RMND5B: variants seen among roughly 807,000 people sequenced by gnomAD.
RMND5B encodes the protein E3 ubiquitin-protein transferase RMND5B.
A neutral mutation model predicts 50.4 loss-of-function variants in RMND5B; 42 were observed. That is an observed-to-expected ratio of 0.83 (90% CI 0.65 to 1.08). The LOEUF (loss-of-function observed/expected upper bound fraction) is 1.08, where lower values mean the gene tolerates loss of function less well. RMND5B is among the 50% of genes least tolerant of loss of function. RMND5B has a pLI of 0.00. For missense variants in RMND5B, 463 were observed against 508.5 expected (o/e 0.91, Z 0.86); for synonymous variants, 220 against 210.0 (o/e 1.05, Z -0.41).
intron 7 of RMND5B, among the ~76,000 whole-genome samples, chr5:178,144,677 C>T (rs1000634453): frequency 1.4e-5 from 2 of 145,822 alleles, no homozygotes; most frequent in African/African-American, 5.2e-5. Flanking sequence ...CTTGATCGCG[C>T]CACTGCACTC....
Position 178,148,265 on chromosome 5 carries a change from T to C in RMND5B, c.*233T>C, listed in dbSNP as rs3812071. ...AAGGAAAGGGAGATGCTGGCCTCTGTGCTCCTGCTGTCTTTTCCTGTTTCT... is the reference window on the plus strand; with the variant it reads ...AAGGAAAGGGAGATGCTGGCCTCTGCGCTCCTGCTGTCTTTTCCTGTTTCT... On this transcript the variant is annotated 3_prime_UTR_variant, in exon 11 of 11. Coordinates refer to ENST00000313386, the MANE Select transcript of RMND5B (RefSeq NM_022762.5). 14,972 of 586,236 alleles carry C rather than the reference T, an allele frequency of 0.026. 226 individuals carry two copies. Among genetic ancestry groups the C allele is most frequent in the Middle Eastern group, 0.057 (123 of 2,170 alleles). 36.3% of individuals were successfully genotyped at this position (586,236 alleles called of 1,614,324 possible).
chr5:178,150,008 A>G lies in RMND5B; in HGVS notation c.*1976A>G, dbSNP rs975464482. The G allele has an allele frequency of 3.0e-6, 2 of 658,302 alleles. No individual in the cohort carries two copies. Among genetic ancestry groups the G allele is most frequent in the African/African-American group, 3.7e-5 (2 of 54,586 alleles). 40.8% of individuals were successfully genotyped at this position (658,302 alleles called of 1,614,324 possible). A position where few individuals can be genotyped will look rare whatever the true frequency, so the allele number is the denominator to read the frequency against. On this transcript the variant is annotated 3_prime_UTR_variant, in exon 11 of 11. Transcript: ENST00000313386. ...GTTGCCATCATTTAAACTCAATCAG[A>G]CTTTGAAGGCATGGTCCAGCCACAC...
At chr5:178,133,563 C>G (rs999451991) in intron 2 of RMND5B, 7 of 152,028 alleles carry the variant, frequency 4.6e-5, no homozygotes, top group Non-Finnish European at 1.0e-4. Context: ...CCCGCCACCA[C>G]GCCTCGGTAA....
At chr5:178,132,094 C>T (rs1758342906) in intron 2 of RMND5B, among the ~76,000 whole-genome samples, 1 of 152,148 alleles carries the variant, frequency 6.6e-6, no homozygotes, top group Non-Finnish European at 1.5e-5. Flanking sequence ...TGGCAGACGG[C>T]TTGAGCTCAG....
chr5:178,133,605 C>G (rs1272788066), intron 2 of RMND5B: 2 of 151,492 alleles, frequency 1.3e-5, no homozygotes, highest in East Asian at 3.9e-4. Context: ...CGAAGTTTCA[C>G]CATGTTGGTC....
chr5:178,132,737 CTTTT>C (rs1224482166), intron 2 of RMND5B, among the ~76,000 whole-genome samples: 2 of 10,278 alleles, frequency 1.9e-4, no homozygotes, highest in Non-Finnish European at 4.5e-4. Context: ...CTGTCTCTCT[CTTTT>C]TTTTTTTTTT....
Position 178,149,769 on chromosome 5 carries a change from G to C in RMND5B, c.*1737G>C. On this transcript the variant is annotated 3_prime_UTR_variant, in exon 11 of 11. Transcript: ENST00000313386. ...TCCAGGCACTCATCGTAAGCCTCCT[G>C]GTACTCCTCATGGGGCTTGACCATT... 6.2e-7 allele frequency: 1 copy of C among 1,614,096 alleles called. No individual in the cohort carries two copies. Among genetic ancestry groups the C allele is most frequent in the Middle Eastern group, 1.7e-4 (1 of 6,058 alleles).
chr5:178,131,600 C>T (rs1193614383), intron 2 of RMND5B, among the ~76,000 whole-genome samples: 1 of 145,752 alleles, frequency 6.9e-6, no homozygotes, highest in Non-Finnish European at 1.5e-5. Flanking sequence ...TGGAGGAGGG[C>T]GATATGACAC....
intron 2 of RMND5B, among the ~76,000 whole-genome samples, chr5:178,131,733 G>C (rs1341852006): frequency 6.6e-6 from 1 of 152,114 alleles, no homozygotes; most frequent in Non-Finnish European, 1.5e-5. Flanking sequence ...GGAAGATACG[G>C]GAAGAGAGTG....
chr5:178,138,298 C>T lies in RMND5B; in HGVS notation c.139+40C>T. ...TTGCAAGTGCCCTGCGACAGCCTCC[C>T]TGAGGACATGGGAGACCCGAAGCTA... is the stretch of plus-strand genomic sequence containing the variant. On this transcript the variant is annotated intron_variant, in intron 3 of 10. Transcript: ENST00000313386. This position sits in a 1 kb window ranked among gnomAD's most constrained non-coding sequence, Gnocchi z 5.1. 6.2e-7 allele frequency: 1 copy of T among 1,606,316 alleles called. No individual in the cohort carries two copies. The highest frequency in any genetic ancestry group is 2.2e-5 in the East Asian group (1 of 44,462).
rs148661369 is a variant in RMND5B at position 178,149,316 on chromosome 5, C to T, written c.*1284C>T. On this transcript the variant is annotated 3_prime_UTR_variant, in exon 11 of 11. Transcript: ENST00000313386. ...CAGTTCTCAGCTTGAGCCAAAGCACCCGGCCCTGGGCAGCTGAGCATCAGC... is the reference window on the plus strand; with the variant it reads ...CAGTTCTCAGCTTGAGCCAAAGCACTCGGCCCTGGGCAGCTGAGCATCAGC... 655 of 193,936 alleles carry T rather than the reference C, an allele frequency of 3.4e-3. 3 individuals are homozygous for T. The highest frequency in any genetic ancestry group is 5.2e-3 in the Non-Finnish European group (477 of 91,944). The allele number at this position is 193,936 out of a possible 1,614,324, so 12.0% of individuals were successfully genotyped here. A position where few individuals can be genotyped will look rare whatever the true frequency, so the allele number is the denominator to read the frequency against.
chr5:178,147,672 C>T (rs753885454), intron 9 of RMND5B, 37 bp downstream of exon 9: 2 of 1,614,040 alleles, frequency 1.2e-6, no homozygotes, highest in South Asian at 1.1e-5. Flanking sequence ...GCAAGAGGTA[C>T]TGGGGAGGAC....
rs948915555 is a variant in RMND5B at position 178,133,163 on chromosome 5, G to A, written c.-13+1787G>A. ...CAGGCATGAGCCACCACGCCCAGCC[G>A]ATGTTGTCTAATCTTTGTCAGGCAA... On this transcript the variant is annotated intron_variant, in intron 2 of 10. Coordinates refer to ENST00000313386, the MANE Select transcript of RMND5B (RefSeq NM_022762.5). Among the ~76,000 whole-genome samples, 4 of 151,980 alleles carry A rather than the reference G, an allele frequency of 2.6e-5. No homozygotes were observed. The South Asian group carries it at 6.2e-4, about 24-fold the overall frequency.
chr5:178,147,402 T>C, intron 8 of RMND5B, 131 bp from the exon 9 acceptor site: 1 of 657,532 alleles, frequency 1.5e-6, no homozygotes, highest in African/African-American at 1.8e-5. Flanking sequence ...GTGAGGGATC[T>C]TTGAGGACCG....
chr5:178,146,323 G>A (rs1229722975), intron 8 of RMND5B, 44 bp downstream of exon 8: 1 of 1,581,852 alleles, frequency 6.3e-7, no homozygotes, highest in Middle Eastern at 1.7e-4. Flanking sequence ...GGAGGGTAGA[G>A]AGGTAATCAT....
At position 178,148,803 on chromosome 5, in the gene RMND5B, TC is replaced by T. The variant is rs1185659306; in HGVS notation, c.*773del. 2.0e-5 allele frequency: 3 copies of T among 152,244 alleles called. No homozygotes were observed. The highest frequency in any genetic ancestry group is 4.4e-5 in the Non-Finnish European group (3 of 68,100). The allele number at this position is 152,244 out of a possible 1,614,324, so 9.4% of individuals were successfully genotyped here. On this transcript the variant is annotated 3_prime_UTR_variant, in exon 11 of 11. Coordinates refer to ENST00000313386, the MANE Select transcript of RMND5B (RefSeq NM_022762.5). ...GATCTTACTAACTCCATAGGAGAAATCCGTGTAATGGGATTCAGGAAAATGA... is the reference window on the plus strand; with the variant it reads ...GATCTTACTAACTCCATAGGAGAAATCGTGTAATGGGATTCAGGAAAATGA...
chr5:178,134,928 A>G (rs1581110111), intron 2 of RMND5B, among the ~76,000 whole-genome samples: 1 of 151,402 alleles, frequency 6.6e-6, no homozygotes. Flanking sequence ...CAGTGAGCCA[A>G]GATAGCACCA....
intron 7 of RMND5B, among the ~76,000 whole-genome samples, chr5:178,145,251 C>G (rs1755930083): frequency 6.6e-6 from 1 of 152,066 alleles, no homozygotes; most frequent in Non-Finnish European, 1.5e-5. Context: ...CTTTGGGAGG[C>G]TGAGGCGGGT....
Position 178,149,822 on chromosome 5 carries a change from G to A in RMND5B, c.*1790G>A, listed in dbSNP as rs1432435120. 1.9e-6 allele frequency: 3 copies of A among 1,613,660 alleles called. No homozygotes were observed. Among genetic ancestry groups the A allele is most frequent in the Non-Finnish European group, 2.5e-6 (3 of 1,179,820 alleles). On this transcript the variant is annotated 3_prime_UTR_variant, in exon 11 of 11. Transcript: ENST00000313386. Reference sequence around the variant, plus strand: ...CACACAGGTGGGGCGCTTGGAGCCTGCGGCTGCACCCAGGTCCTACAGAGG... The same window carrying A: ...CACACAGGTGGGGCGCTTGGAGCCTACGGCTGCACCCAGGTCCTACAGAGG...
Sources: allele counts gnomAD v4.1 joint callset (sites outside exome capture counted in the v4.1 genomes callset), GRCh38; gene constraint gnomAD v4.1.1; non-coding constraint Gnocchi (gnomAD v3.1); transcripts MANE v1.5; gene names NCBI Gene and HGNC (gene_info 2026-07-23, HGNC 2026-07-21).